PCDH15: variants seen among roughly 807,000 people sequenced by gnomAD.
PCDH15 encodes protocadherin-15.
Under a neutral mutation model 178.5 loss-of-function variants are expected in PCDH15, and 129 were observed. That is an observed-to-expected ratio of 0.72 (90% CI 0.63 to 0.84). PCDH15 has a LOEUF of 0.84. Ranked by LOEUF, PCDH15 falls within the 40% of genes least tolerant of loss-of-function variation. The pLI is 0.00. For missense variants in PCDH15, 2,230 were observed against 2,099.9 expected (o/e 1.06, Z -1.21); for synonymous variants, 800 against 732.0 (o/e 1.09, Z -1.50).
chr10:54,002,739 G>A (rs549337372), intron 20 of PCDH15, among the ~76,000 whole-genome samples: 1 of 152,232 alleles, frequency 6.6e-6, no homozygotes, highest in African/African-American at 2.4e-5. Flanking sequence ...AGACCCCTGT[G>A]ACTCAGGGTT....
chr10:54,798,336 C>T (rs1365320972), intron 1 of PCDH15, among the ~76,000 whole-genome samples: 1 of 152,022 alleles, frequency 6.6e-6, no homozygotes, highest in Non-Finnish European at 1.5e-5. Flanking sequence ...TCCACATTCT[C>T]TCATGCTATA....
At chr10:53,865,372 C>T (rs1052215587) in intron 27 of PCDH15, among the ~76,000 whole-genome samples, 4 of 152,038 alleles carry the variant, frequency 2.6e-5, no homozygotes, top group East Asian at 1.9e-4. Flanking sequence ...TAAAATTATT[C>T]GGCTAATTGG....
intron 1 of PCDH15, among the ~76,000 whole-genome samples, chr10:54,796,276 A>ATCTATCTG (rs1554796306): frequency 7.6e-4 from 64 of 84,548 alleles, no homozygotes; most frequent in South Asian, 5.2e-3. Flanking sequence ...CTATCTATGT[A>ATCTATCTG]TCTATGTATC....
chr10:55,395,198 A>C (rs1900486), intron 2 of PCDH15, among the ~76,000 whole-genome samples: 1 of 48,478 alleles, frequency 2.1e-5, no homozygotes, highest in Admixed American at 2.1e-4. Flanking sequence ...TGTGTGTGTG[A>C]GAGAGAGAGA....
intron 2 of PCDH15, among the ~76,000 whole-genome samples, chr10:55,458,997 A>T (rs1204811953): frequency 6.6e-6 from 1 of 152,062 alleles, no homozygotes; most frequent in Non-Finnish European, 1.5e-5. Context: ...GAGAACAAGT[A>T]CAAAGTGATT....
chr10:54,241,991 A>G (rs2055354098), intron 8 of PCDH15, among the ~76,000 whole-genome samples: 1 of 150,618 alleles, frequency 6.6e-6, no homozygotes, highest in African/African-American at 2.4e-5. Flanking sequence ...ATGTTAAGAC[A>G]ATGTTTTCAT....
At chr10:54,606,128 G>A (rs1565724920) in intron 2 of PCDH15, 1 of 152,172 alleles carries the variant, frequency 6.6e-6, no homozygotes, top group Non-Finnish European at 1.5e-5. Context: ...AACTTAGAAT[G>A]CTTGATTTGT....
chr10:54,863,843 C>G (rs1367344800), intron 3 of PCDH15, among the ~76,000 whole-genome samples: 1 of 152,108 alleles, frequency 6.6e-6, no homozygotes, highest in Non-Finnish European at 1.5e-5. Flanking sequence ...GACTGGATTG[C>G]AGGATGTAAC....
intron 26 of PCDH15, among the ~76,000 whole-genome samples, chr10:53,881,989 CTTTTTT>C (rs5785025): frequency 7.2e-6 from 1 of 138,190 alleles, no homozygotes; most frequent in Non-Finnish European, 1.6e-5. Flanking sequence ...TGCCCACTTG[CTTTTTT>C]TTTTTTTTTT....
intron 28 of PCDH15, among the ~76,000 whole-genome samples, chr10:53,853,273 T>C (rs1320875154): frequency 2.0e-5 from 3 of 150,732 alleles, no homozygotes; most frequent in Non-Finnish European, 4.4e-5. Flanking sequence ...TAACTCAAAA[T>C]GGATTAAAGA....
chr10:55,613,847 G>A (rs1843420135), intron 2 of PCDH15, among the ~76,000 whole-genome samples: 1 of 152,118 alleles, frequency 6.6e-6, no homozygotes, highest in Admixed American at 6.6e-5. Flanking sequence ...GAAAAGTAAT[G>A]TCGGTAATCC....
At chr10:55,043,545 T>TA (rs1316711784) in intron 2 of PCDH15, among the ~76,000 whole-genome samples, 2 of 151,360 alleles carry the variant, frequency 1.3e-5, no homozygotes, top group Non-Finnish European at 3.0e-5. Context: ...CCCGTCTCTA[T>TA]AAAAAATAAA....
intron 3 of PCDH15, among the ~76,000 whole-genome samples, chr10:54,814,656 C>T (rs1226812984): frequency 6.6e-6 from 1 of 152,096 alleles, no homozygotes; most frequent in Non-Finnish European, 1.5e-5. Flanking sequence ...CCATTTATAT[C>T]CTATATATCA....
At chr10:54,410,187 C>T (rs1953287159) in intron 3 of PCDH15, among the ~76,000 whole-genome samples, 1 of 152,008 alleles carries the variant, frequency 6.6e-6, no homozygotes, top group Non-Finnish European at 1.5e-5. Flanking sequence ...ATATTTGCTG[C>T]CTCTGAGAAT....
At chr10:55,051,305 C>T (rs910336121) in intron 2 of PCDH15, among the ~76,000 whole-genome samples, 1 of 152,060 alleles carries the variant, frequency 6.6e-6, no homozygotes, top group Non-Finnish European at 1.5e-5. Flanking sequence ...TAGGTATAGT[C>T]TCTAATGTAG....
intron 2 of PCDH15, among the ~76,000 whole-genome samples, chr10:55,124,141 C>G (rs975192263): frequency 5.3e-5 from 8 of 152,052 alleles, no homozygotes; most frequent in Non-Finnish European, 7.4e-5. Flanking sequence ...TCCAAATATG[C>G]CAATCATAGA....
chr10:55,097,315 T>A (rs533629691), intron 2 of PCDH15, among the ~76,000 whole-genome samples: 5 of 152,248 alleles, frequency 3.3e-5, no homozygotes, highest in African/African-American at 1.2e-4. Context: ...TCATGCCTGA[T>A]GATAAATTAA....
chr10:54,616,693 G>A (rs547926528), intron 2 of PCDH15, among the ~76,000 whole-genome samples: 1 of 151,982 alleles, frequency 6.6e-6, no homozygotes. Context: ...TTTAGTTGGC[G>A]ACTTTGAGAC....
At chr10:53,995,859 T>A in intron 20 of PCDH15, 94 bp from the exon 21 acceptor site, 2 of 1,098,554 alleles carry the variant, frequency 1.8e-6, no homozygotes, top group Non-Finnish European at 2.8e-6. Flanking sequence ...TCACACAACT[T>A]ATTTACCACT....
Sources: allele counts gnomAD v4.1 joint callset (sites outside exome capture counted in the v4.1 genomes callset), GRCh38; gene constraint gnomAD v4.1.1; transcripts MANE v1.5; gene names NCBI Gene and HGNC (gene_info 2026-07-23, HGNC 2026-07-21).